Variants in ERLIN1 observed in about 807,000 individuals in gnomAD.
ERLIN1 encodes the protein erlin-1.
In ERLIN1, 24 loss-of-function variants were observed where a neutral mutation model predicts 46.9. The observed-to-expected ratio is 0.51, with a 90% confidence interval of 0.37 to 0.72. The LOEUF is 0.72. Ranked by LOEUF, ERLIN1 falls within the 30% of genes least tolerant of loss-of-function variation. The pLI is 0.00. For missense variants in ERLIN1, 293 were observed against 417.9 expected (o/e 0.70, Z 2.61); for synonymous variants, 158 against 143.2 (o/e 1.10, Z -0.74).
At position 100,169,287 on chromosome 10, in the gene ERLIN1, A is replaced by T. The variant is rs553730118; in HGVS notation, c.505-1881T>A. Among the ~76,000 whole-genome samples the T allele has an allele frequency of 2.2e-4, 33 of 152,242 alleles. 1 individual carries two copies. In the South Asian group the frequency reaches 5.2e-3, roughly 24 times the overall value. ...ATGCCCCCATCCCACTCACATACAT[A>T]GAGTGAATGGAGGAAAAAAATGGCT... On this transcript the variant is annotated intron_variant, in intron 6 of 10. Transcript: ENST00000421367.
chr10:100,166,144 G>C (rs1174841242), intron 7 of ERLIN1, among the ~76,000 whole-genome samples: 1 of 152,224 alleles, frequency 6.6e-6, no homozygotes. Flanking sequence ...AACAGGCTGG[G>C]TGTGGTGACT....
chr10:100,176,703 A>C (rs1430328571), intron 4 of ERLIN1, among the ~76,000 whole-genome samples: 1 of 152,228 alleles, frequency 6.6e-6, no homozygotes, highest in African/African-American at 2.4e-5. Context: ...AAATGCCCAA[A>C]AGGTACATAC....
chr10:100,164,146 C>A, intron 7 of ERLIN1, 51 bp from the exon 8 acceptor site: 1 of 1,248,348 alleles, frequency 8.0e-7, no homozygotes, highest in South Asian at 1.3e-5. Flanking sequence ...TATGTGCAGT[C>A]ACAGCCAGTA....
intron 8 of ERLIN1, among the ~76,000 whole-genome samples, chr10:100,158,523 T>C (rs1390446901): frequency 1.3e-5 from 2 of 151,214 alleles, no homozygotes; most frequent in Non-Finnish European, 1.5e-5. Flanking sequence ...TTTCACTCCT[T>C]AGTCTTCACT....
At chr10:100,162,945 T>C (rs1843436945) in intron 8 of ERLIN1, among the ~76,000 whole-genome samples, 1 of 152,186 alleles carries the variant, frequency 6.6e-6, no homozygotes, top group African/African-American at 2.4e-5. Flanking sequence ...AATGTTATTG[T>C]GGCAGTGTTT....
At position 100,180,808 on chromosome 10, in the gene ERLIN1, T is replaced by C. The variant is rs573259933; in HGVS notation, c.196-1561A>G. Among the ~76,000 whole-genome samples the C allele has an allele frequency of 1.5e-4, 23 of 152,296 alleles. No homozygotes were observed. The South Asian group carries it at 4.8e-3, about 32-fold the overall frequency. On this transcript the variant is annotated intron_variant, in intron 2 of 10. Transcript: ENST00000421367. The stretch of plus-strand genomic sequence containing the variant: ...TGTTTACTTAATTCCTTTTCTCACA[T>C]GTGATGTAGTTCTCATTCTCCATCT...
In ERLIN1 at chr10:100,166,760, G is replaced by C. The variant is rs75969973; in HGVS notation, c.563+588C>G. Among the ~76,000 whole-genome samples the C allele has an allele frequency of 2.4e-3, 361 of 152,300 alleles. 2 individuals carry two copies. The highest frequency in any genetic ancestry group is 8.0e-3 in the African/African-American group (331 of 41,554). On this transcript the variant is annotated intron_variant, in intron 7 of 10. Coordinates refer to ENST00000421367, the MANE Select transcript of ERLIN1 (RefSeq NM_006459.4). ...AATATTGCCATTTCAAACACAGTAAGTATTCCCCTAAAAGGGATCCTGTCA... is the reference window on the plus strand; with the variant it reads ...AATATTGCCATTTCAAACACAGTAACTATTCCCCTAAAAGGGATCCTGTCA...
chr10:100,159,191 G>T (rs948591902), intron 8 of ERLIN1, among the ~76,000 whole-genome samples: 1 of 152,004 alleles, frequency 6.6e-6, no homozygotes, highest in African/African-American at 2.4e-5. Flanking sequence ...CATATCTAGG[G>T]ATAAAGATTA....
At chr10:100,153,520 T>C (rs1842914192) in intron 10 of ERLIN1, among the ~76,000 whole-genome samples, 1 of 152,198 alleles carries the variant, frequency 6.6e-6, no homozygotes, top group Non-Finnish European at 1.5e-5. Context: ...CAGGCAAAAG[T>C]CCATCTTGTC....
At chr10:100,179,747 G>A (rs576721528) in intron 2 of ERLIN1, among the ~76,000 whole-genome samples, 4 of 152,308 alleles carry the variant, frequency 2.6e-5, no homozygotes, top group African/African-American at 9.6e-5. Context: ...GTGAGCCACT[G>A]TGCCTGGCCT....
intron 8 of ERLIN1, among the ~76,000 whole-genome samples, chr10:100,163,547 A>G (rs1405376024): frequency 6.6e-6 from 1 of 152,220 alleles, no homozygotes; most frequent in East Asian, 1.9e-4. Context: ...CCTGGAGTAT[A>G]AGGGAAGCCA....
intron 6 of ERLIN1, among the ~76,000 whole-genome samples, chr10:100,172,746 T>G (rs756617889): frequency 6.6e-6 from 1 of 152,244 alleles, no homozygotes; most frequent in Non-Finnish European, 1.5e-5. Flanking sequence ...ACAGTCAGTT[T>G]GAAAGATAAT....
At chr10:100,181,567 T>A (rs1844650120) in intron 2 of ERLIN1, among the ~76,000 whole-genome samples, 1 of 143,970 alleles carries the variant, frequency 6.9e-6, no homozygotes, top group South Asian at 2.1e-4. Flanking sequence ...CAGGCTGGAG[T>A]GCAAGGGTAC....
intron 1 of ERLIN1, among the ~76,000 whole-genome samples, chr10:100,184,198 C>A (rs1231120079): frequency 6.6e-6 from 1 of 151,588 alleles, no homozygotes; most frequent in Non-Finnish European, 1.5e-5. Flanking sequence ...ATAACAAGAG[C>A]CAAATCAAAA....
At chr10:100,155,496 T>C (rs1843027107) in intron 9 of ERLIN1, among the ~76,000 whole-genome samples, 1 of 151,622 alleles carries the variant, frequency 6.6e-6, no homozygotes, top group Admixed American at 6.6e-5. Context: ...CTGGTCGTGA[T>C]GGGGTTTATT....
intron 8 of ERLIN1, among the ~76,000 whole-genome samples, chr10:100,163,685 C>A (rs149556990): frequency 3.3e-5 from 5 of 152,332 alleles, no homozygotes; most frequent in Non-Finnish European, 5.9e-5. Flanking sequence ...GGTCAAAAAA[C>A]TTCCCTATTC....
rs1842829738 is a variant in ERLIN1 at position 100,152,077 on chromosome 10, C to A, written c.*54G>T. The A allele has an allele frequency of 9.2e-7, 1 of 1,092,630 alleles. No individual in the cohort carries two copies. Among genetic ancestry groups the A allele is most frequent in the Admixed American group, 1.8e-5 (1 of 56,638 alleles). The allele number at this position is 1,092,630 out of a possible 1,614,324, so 67.7% of individuals were successfully genotyped here. ...TGAAGAGTCCGTATAATGATTGTTC[C>A]CACTTAACCCCTTGGGCCACATCTT... On this transcript the variant is annotated 3_prime_UTR_variant, in exon 11 of 11. Transcript: ENST00000421367.
chr10:100,181,671 C>T (rs1008884348), intron 2 of ERLIN1, among the ~76,000 whole-genome samples: 3 of 152,050 alleles, frequency 2.0e-5, no homozygotes, highest in Non-Finnish European at 4.4e-5. Context: ...CGCACAACCA[C>T]GCCCAGCTAA....
intron 2 of ERLIN1, among the ~76,000 whole-genome samples, chr10:100,182,849 G>A (rs1302902904): frequency 6.6e-6 from 1 of 152,122 alleles, no homozygotes; most frequent in Admixed American, 6.5e-5. Flanking sequence ...CATGAACTAA[G>A]GAAAGAATGG....
Sources: gnomAD v4.1 joint callset for allele counts (sites outside exome capture counted in the v4.1 genomes callset) on GRCh38, gnomAD v4.1.1 for gene constraint, MANE v1.5 for transcripts, NCBI Gene and HGNC (gene_info 2026-07-23, HGNC 2026-07-21) for gene names.